Variants in LPP observed in about 807,000 individuals in gnomAD.
LPP encodes LIM domain containing preferred translocation partner in lipoma.
A neutral mutation model predicts 60.4 loss-of-function variants in LPP; 38 were observed. That is an observed-to-expected ratio of 0.63 (90% CI 0.49 to 0.83). The LOEUF (loss-of-function observed/expected upper bound fraction) is 0.83. LPP is among the 40% of genes least tolerant of loss of function. The probability of loss-of-function intolerance (pLI) is 0.00; values close to 1 mark genes in which losing one functional copy is unlikely to be tolerated. For missense variants in LPP, 902 were observed against 783.6 expected (o/e 1.15, Z -1.80); for synonymous variants, 328 against 290.8 (o/e 1.13, Z -1.30).
At chr3:188,334,965 T>G (rs906811440) in intron 2 of LPP, among the ~76,000 whole-genome samples, 3 of 152,210 alleles carry the variant, frequency 2.0e-5, no homozygotes, top group African/African-American at 7.2e-5. Context: ...ATTAAAGAGA[T>G]TCTTCTTGTT....
chr3:188,621,772 G>C (rs1195218048), intron 7 of LPP, among the ~76,000 whole-genome samples: 2 of 152,080 alleles, frequency 1.3e-5, no homozygotes, highest in African/African-American at 2.4e-5. Context: ...TGATTCTCCT[G>C]CCTCAGCCTC....
intron 1 of LPP, among the ~76,000 whole-genome samples, chr3:188,202,687 T>A (rs894982555): frequency 4.6e-5 from 7 of 152,216 alleles, no homozygotes; most frequent in African/African-American, 1.7e-4. Context: ...GGTGGCTTTC[T>A]GATATTCAGG....
intron 6 of LPP, among the ~76,000 whole-genome samples, chr3:188,596,848 A>G (rs1840084130): frequency 6.6e-6 from 1 of 152,246 alleles, no homozygotes; most frequent in East Asian, 1.9e-4. Flanking sequence ...ACTGAAGCAA[A>G]TATAGCCACT....
intron 7 of LPP, among the ~76,000 whole-genome samples, chr3:188,618,357 C>A (rs1845233706): frequency 6.6e-6 from 1 of 152,136 alleles, no homozygotes; most frequent in Admixed American, 6.5e-5. Flanking sequence ...CATTTAACTT[C>A]TTTTTCAATC....
chr3:188,416,798 G>T (rs1260389594), intron 4 of LPP, among the ~76,000 whole-genome samples: 2 of 152,108 alleles, frequency 1.3e-5, no homozygotes, highest in Non-Finnish European at 2.9e-5. Flanking sequence ...CCATGGACAA[G>T]CTTCTGCATT....
chr3:188,705,551 C>A (rs931299922), intron 7 of LPP, among the ~76,000 whole-genome samples: 1 of 151,950 alleles, frequency 6.6e-6, no homozygotes, highest in African/African-American at 2.4e-5. Flanking sequence ...ACCATTCATC[C>A]AATATTCATG....
chr3:188,639,720 A>G (rs1165368975), intron 7 of LPP, among the ~76,000 whole-genome samples: 2 of 152,074 alleles, frequency 1.3e-5, no homozygotes, highest in African/African-American at 4.8e-5. Context: ...ATGAACAGAC[A>G]CTTCTCAAAA....
In LPP at chr3:188,649,880, C is replaced by G. The variant is rs76869495; in HGVS notation, c.1113+40036C>G. Among the ~76,000 whole-genome samples, 382 of 152,246 alleles carry G rather than the reference C, an allele frequency of 2.5e-3. 1 individual carries two copies. The highest frequency in any genetic ancestry group is 8.4e-3 in the African/African-American group (351 of 41,550). On this transcript the variant is annotated intron_variant, in intron 7 of 11. Coordinates refer to ENST00000617246, the MANE Select transcript of LPP (RefSeq NM_001375462.1). Reference sequence around the variant, plus strand: ...AGGAACCAAGGAAGCACATAGAAGGCTTAGGTAAATTCTTCCTGAGGGAAT... The same window carrying G: ...AGGAACCAAGGAAGCACATAGAAGGGTTAGGTAAATTCTTCCTGAGGGAAT...
At chr3:188,775,641 G>T (rs1425898914) in intron 9 of LPP, among the ~76,000 whole-genome samples, 1 of 152,110 alleles carries the variant, frequency 6.6e-6, no homozygotes, top group Non-Finnish European at 1.5e-5. Flanking sequence ...AGTGTCTGCA[G>T]GTTACTCCAG....
chr3:188,671,973 G>A (rs1386473291), intron 7 of LPP, among the ~76,000 whole-genome samples: 1 of 152,188 alleles, frequency 6.6e-6, no homozygotes, highest in African/African-American at 2.4e-5. Flanking sequence ...TTGGTTGCTA[G>A]TAAAGCTGCC....
At chr3:188,389,085 A>C (rs1252751861) in intron 3 of LPP, among the ~76,000 whole-genome samples, 3 of 151,840 alleles carry the variant, frequency 2.0e-5, no homozygotes, top group African/African-American at 7.3e-5. Context: ...ATTTTAATTT[A>C]TATTTCCCTG....
chr3:188,203,448 A>AATATATATAAATATATATATTTTTAAAT (rs1201305188), intron 1 of LPP, among the ~76,000 whole-genome samples: 1 of 86,598 alleles, frequency 1.2e-5, no homozygotes, highest in Non-Finnish European at 1.9e-5. Context: ...TATTTATATA[A>AATATATATAAATATATATATTTTTAAAT]ATATATATAA....
At position 188,880,087 on chromosome 3, in the gene LPP, A is replaced by G. The variant is rs186801699; in HGVS notation, c.*5608A>G. 1.7e-4 allele frequency: 27 copies of G among 163,592 alleles called. No homozygotes were observed. Among genetic ancestry groups the G allele is most frequent in the Admixed American group, 6.5e-4 (10 of 15,322 alleles). 10.1% of individuals were successfully genotyped at this position (163,592 alleles called of 1,614,324 possible). A position where few individuals can be genotyped will look rare whatever the true frequency, so the allele number is the denominator to read the frequency against. On this transcript the variant is annotated 3_prime_UTR_variant, in exon 12 of 12. Coordinates refer to ENST00000617246, the MANE Select transcript of LPP (RefSeq NM_001375462.1). The stretch of plus-strand genomic sequence containing the variant: ...GCTCTGTCACCCAGGCTGGAGTGCA[A>G]TGGCACGATCTCCTCTCACTGCAAG...
chr3:188,791,627 A>G (rs908825133), intron 9 of LPP, among the ~76,000 whole-genome samples: 39 of 151,520 alleles, frequency 2.6e-4, no homozygotes, highest in African/African-American at 9.0e-4. Flanking sequence ...TGATTAGTCT[A>G]TCCGTAGTCT....
intron 1 of LPP, among the ~76,000 whole-genome samples, chr3:188,158,410 A>G (rs1717185195): frequency 6.6e-6 from 1 of 152,116 alleles, no homozygotes; most frequent in African/African-American, 2.4e-5. Context: ...GAAGGATTTC[A>G]AGTGTGTTGT....
Position 188,878,759 on chromosome 3 carries a change from T to TAAAAAAAAAAAAAAAAGA in LPP, c.*4283_*4300dup, listed in dbSNP as rs1769554077. 1.3e-5 allele frequency: 2 copies of TAAAAAAAAAAAAAAAAGA among 153,930 alleles called. No individual in the cohort carries two copies. Among genetic ancestry groups the TAAAAAAAAAAAAAAAAGA allele is most frequent in the African/African-American group, 2.9e-5 (1 of 34,832 alleles). 9.5% of individuals were successfully genotyped at this position (153,930 alleles called of 1,614,324 possible). A position where few individuals can be genotyped will look rare whatever the true frequency, so the allele number is the denominator to read the frequency against. On this transcript the variant is annotated 3_prime_UTR_variant, in exon 12 of 12. Transcript: ENST00000617246. ...ATATACTCACCAAAAAGTAAAAAAG[T>TAAAAAAAAAAAAAAAAGA]AAAAAAAAAAAAAAAAGAAAGAAAG...
At chr3:188,601,917 A>G (rs1228663200) in intron 6 of LPP, among the ~76,000 whole-genome samples, 1 of 151,506 alleles carries the variant, frequency 6.6e-6, no homozygotes, top group Non-Finnish European at 1.5e-5. Flanking sequence ...TAAAAACACA[A>G]AATGAGCTGG....
chr3:188,887,381 A>G lies in LPP; in HGVS notation c.*12902A>G, dbSNP rs1770804499. On this transcript the variant is annotated 3_prime_UTR_variant, in exon 12 of 12. Coordinates refer to ENST00000617246, the MANE Select transcript of LPP (RefSeq NM_001375462.1). ...AGTAATTATAAACTGGAAATAGGAGAGTAGCTTGAGCAGGTTATGATATAT... is the reference window on the plus strand; with the variant it reads ...AGTAATTATAAACTGGAAATAGGAGGGTAGCTTGAGCAGGTTATGATATAT... 1 of 215,834 alleles carries G rather than the reference A, an allele frequency of 4.6e-6. No individual in the cohort carries two copies. 13.4% of individuals were successfully genotyped at this position (215,834 alleles called of 1,614,324 possible). A position where few individuals can be genotyped will look rare whatever the true frequency, so the allele number is the denominator to read the frequency against.
chr3:188,553,742 A>G (rs967406437), intron 6 of LPP: 26 of 152,206 alleles, frequency 1.7e-4, no homozygotes, highest in Non-Finnish European at 3.8e-4. Flanking sequence ...GTCACTTCCA[A>G]TTACACTGTT....
Sources: allele counts gnomAD v4.1 joint callset (sites outside exome capture counted in the v4.1 genomes callset), GRCh38; gene constraint gnomAD v4.1.1; transcripts MANE v1.5; gene names NCBI Gene and HGNC (gene_info 2026-07-23, HGNC 2026-07-21).